The following AGTPBP1 variants were observed in gnomAD, a reference collection of about 807,000 sequenced individuals.
The protein encoded by AGTPBP1 is cytosolic carboxypeptidase 1.
A neutral mutation model predicts 143.9 loss-of-function variants in AGTPBP1; 70 were observed. The ratio of observed to expected loss-of-function variants is 0.49; its 90% CI spans 0.40 to 0.59. The LOEUF (loss-of-function observed/expected upper bound fraction) is 0.59, where lower values mean the gene tolerates loss of function less well. Ranked by LOEUF, AGTPBP1 falls within the 20% of genes least tolerant of loss-of-function variation. The pLI is 0.00. For synonymous variants in AGTPBP1, 463 were observed against 500.2 expected (o/e 0.93, Z 0.99); for missense variants, 1,229 against 1,464.5 (o/e 0.84, Z 2.62).
At chr9:85,565,807 G>A (rs986654903) in intron 25 of AGTPBP1, among the ~76,000 whole-genome samples, 3 of 151,976 alleles carry the variant, frequency 2.0e-5, no homozygotes, top group African/African-American at 4.8e-5. Context: ...ACTCATCCTC[G>A]TCTCAAATGT....
chr9:85,662,555 T>C (rs1833909632), intron 8 of AGTPBP1, among the ~76,000 whole-genome samples: 1 of 152,108 alleles, frequency 6.6e-6, no homozygotes, highest in South Asian at 2.1e-4. Context: ...GAATATTCCA[T>C]ATGAGACTGC....
At chr9:85,602,129 C>T (rs905843116) in intron 17 of AGTPBP1, among the ~76,000 whole-genome samples, 6 of 152,024 alleles carry the variant, frequency 3.9e-5, no homozygotes, top group Non-Finnish European at 7.4e-5. Flanking sequence ...ACCAATAATT[C>T]TCCAGCAACA....
intron 2 of AGTPBP1, among the ~76,000 whole-genome samples, chr9:85,698,032 A>G (rs1487982627): frequency 6.6e-6 from 1 of 152,084 alleles, no homozygotes; most frequent in South Asian, 2.1e-4. Context: ...AGAAACCAAC[A>G]TTCTAAAATT....
intron 17 of AGTPBP1, among the ~76,000 whole-genome samples, chr9:85,607,186 A>G (rs1399012021): frequency 6.6e-6 from 1 of 152,086 alleles, no homozygotes; most frequent in Non-Finnish European, 1.5e-5. Flanking sequence ...TGCAAATATT[A>G]TGTATCAATT....
chr9:85,682,516 C>T (rs546906786), intron 3 of AGTPBP1, among the ~76,000 whole-genome samples: 2 of 152,256 alleles, frequency 1.3e-5, no homozygotes, highest in East Asian at 3.9e-4. Context: ...ATTTAATGCA[C>T]TTTATTTAAT....
intron 1 of AGTPBP1, among the ~76,000 whole-genome samples, chr9:85,722,136 C>A (rs921166432): frequency 5.9e-5 from 9 of 152,264 alleles, no homozygotes; most frequent in Non-Finnish European, 1.0e-4. Flanking sequence ...GTGAATCTGA[C>A]AATTATGTGT....
chr9:85,655,153 T>G lies in AGTPBP1; in HGVS notation c.1077A>C (p.Leu359Phe), dbSNP rs375794059. Residue 359 changes from leucine to phenylalanine, a missense_variant, in exon 11 of 26, where the codon TTA (leucine) becomes TTC (phenylalanine). Leu to Phe is a conservative substitution (Grantham distance 22, BLOSUM62 0). Transcript: ENST00000357081. Reference sequence around the variant, plus strand: ...ACCCTGTGATCCTACCTTCAGGAGGTAAGCTGTAGAGCTGAGCCACAGGAC... The same window carrying G: ...ACCCTGTGATCCTACCTTCAGGAGGGAAGCTGTAGAGCTGAGCCACAGGAC... ...VTGPVAQLYS[L>F]PPEVDDVVDE... 17 of 1,610,798 alleles carry G rather than the reference T, an allele frequency of 1.1e-5. No homozygotes were observed. The African/African-American group carries it at 2.1e-4, about 20-fold the overall frequency.
intron 1 of AGTPBP1, among the ~76,000 whole-genome samples, chr9:85,738,336 T>C (rs1365208659): frequency 1.3e-5 from 2 of 148,998 alleles, no homozygotes; most frequent in African/African-American, 4.9e-5. Context: ...AAAAAAAAAG[T>C]TCCTAGGAAA....
At chr9:85,629,904 A>T (rs2133673834) in intron 14 of AGTPBP1, among the ~76,000 whole-genome samples, 1 of 152,342 alleles carries the variant, frequency 6.6e-6, no homozygotes, top group Admixed American at 6.5e-5. Context: ...GTTAAAATTA[A>T]GGCTGAGAAT....
Position 85,719,963 on chromosome 9 carries a change from T to C in AGTPBP1, c.-33-7397A>G, listed in dbSNP as rs1193574168. ...GTTCTGTTTATGTGATGGATTATGT[T>C]TATTGATTTGCGTATGTTGAACCAG... On this transcript the variant is annotated intron_variant, in intron 1 of 25. Coordinates refer to ENST00000357081, the MANE Select transcript of AGTPBP1 (RefSeq NM_001330701.2). Among the ~76,000 whole-genome samples, 5 of 152,330 alleles carry C rather than the reference T, an allele frequency of 3.3e-5. 1 individual carries two copies. The East Asian group carries it at 9.6e-4, about 29-fold the overall frequency.
the AGTPBP1 span, among the ~76,000 whole-genome samples, chr9:85,748,658 C>T: frequency 6.6e-6 from 1 of 152,210 alleles, no homozygotes; most frequent in Non-Finnish European, 1.5e-5. Flanking sequence ...ATCATTGGCT[C>T]TTGCGTCTTT....
chr9:85,779,226 T>TATAGAG, the AGTPBP1 span, among the ~76,000 whole-genome samples: 1 of 136,872 alleles, frequency 7.3e-6, no homozygotes, highest in African/African-American at 3.3e-5. Flanking sequence ...TAGATATAGA[T>TATAGAG]ATAGATATAG....
At chr9:85,765,074 T>C in the AGTPBP1 span, 3 of 548,734 alleles carry the variant, frequency 5.5e-6, no homozygotes, top group Non-Finnish European at 9.9e-6. Context: ...TGGCACTTAT[T>C]TGGCACCATA....
Position 85,584,933 on chromosome 9 carries a change from A to G in AGTPBP1, c.3165+530T>C, listed in dbSNP as rs1587683283. Among the ~76,000 whole-genome samples, 3 of 152,320 alleles carry G rather than the reference A, an allele frequency of 2.0e-5. No homozygotes were observed. The East Asian group carries it at 5.8e-4, about 29-fold the overall frequency. On this transcript the variant is annotated intron_variant, in intron 23 of 25. Transcript: ENST00000357081. ...AATAATTCTCTCCAACTTTAAATTCAAGGCAGCTCTAATGCAAACTCCAAC... is the reference window on the plus strand; with the variant it reads ...AATAATTCTCTCCAACTTTAAATTCGAGGCAGCTCTAATGCAAACTCCAAC...
At chr9:85,649,913 T>C (rs1833043972) in intron 11 of AGTPBP1, among the ~76,000 whole-genome samples, 1 of 152,134 alleles carries the variant, frequency 6.6e-6, no homozygotes, top group African/African-American at 2.4e-5. Flanking sequence ...TAAACAATAC[T>C]GCTCAACTAA....
chr9:85,640,162 C>A (rs1307579245), intron 13 of AGTPBP1, among the ~76,000 whole-genome samples: 2 of 152,192 alleles, frequency 1.3e-5, no homozygotes, highest in African/African-American at 4.8e-5. Context: ...TTCTTTCAAA[C>A]ACATCCTATC....
At chr9:85,767,180 CTTTTTTTTTT>C in the AGTPBP1 span, among the ~76,000 whole-genome samples, 1 of 116,440 alleles carries the variant, frequency 8.6e-6, no homozygotes, top group Non-Finnish European at 1.7e-5. Context: ...TGAGAACATA[CTTTTTTTTTT>C]TTTTTTTTTT....
At chr9:85,797,336 C>G in the AGTPBP1 span, among the ~76,000 whole-genome samples, 1 of 152,040 alleles carries the variant, frequency 6.6e-6, no homozygotes, top group South Asian at 2.1e-4. Context: ...CTCAAAACTC[C>G]TGAGCTCAAG....
At chr9:85,786,975 A>T in the AGTPBP1 span, among the ~76,000 whole-genome samples, 404 of 152,306 alleles carry the variant, frequency 2.7e-3, 2 homozygotes, top group African/African-American at 8.2e-3. Context: ...TTATTCTCAA[A>T]TACAAGTATA....
Sources: gnomAD v4.1 joint callset for allele counts (sites outside exome capture counted in the v4.1 genomes callset) on GRCh38, gnomAD v4.1.1 for gene constraint, MANE v1.5 for transcripts, NCBI Gene and HGNC (gene_info 2026-07-23, HGNC 2026-07-21) for gene names.